Variants in TUSC3 observed in about 807,000 individuals in gnomAD.
TUSC3 encodes tumor suppressor candidate 3, also known as dolichyl-diphosphooligosaccharide--protein glycosyltransferase subunit TUSC3.
TUSC3 carries 45 observed loss-of-function variants against 44.8 expected under a neutral mutation model. That is an observed-to-expected ratio of 1.00 (90% CI 0.79 to 1.29). TUSC3 has a LOEUF of 1.29. Ranked by LOEUF, TUSC3 falls within the 50% of genes most tolerant of loss-of-function variation. The probability of loss-of-function intolerance (pLI) is 0.00; values close to 1 mark genes in which losing one functional copy is unlikely to be tolerated. For synonymous variants in TUSC3, 212 were observed against 152.9 expected, an observed-to-expected ratio of 1.39 and a Z score of -2.85; for missense variants, 519 against 437.9, an observed-to-expected ratio of 1.19 and a Z score of -1.65.
intron 1 of TUSC3, among the ~76,000 whole-genome samples, chr8:15,544,189 A>G (rs1801785054): frequency 6.6e-6 from 1 of 152,050 alleles, no homozygotes; most frequent in Non-Finnish European, 1.5e-5. Context: ...GCTTTTTAGT[A>G]GTGTATCATT....
chr8:15,488,127 T>C (rs80003356), intron 2 of TUSC3, among the ~76,000 whole-genome samples: 2,477 of 152,150 alleles, frequency 0.016, 73 homozygotes, highest in African/African-American at 0.056. Flanking sequence ...TGACTCTAAG[T>C]CCCCTCTTTA....
chr8:15,757,835 T>G lies in TUSC3; in HGVS notation c.*26T>G. The G allele has an allele frequency of 7.2e-7, 1 of 1,388,806 alleles. No individual in the cohort carries two copies. The highest frequency in any genetic ancestry group is 1.0e-6 in the Non-Finnish European group (1 of 974,806). The allele number at this position is 1,388,806 out of a possible 1,614,324, so 86.0% of individuals were successfully genotyped here. A position where few individuals can be genotyped will look rare whatever the true frequency, so the allele number is the denominator to read the frequency against. On this transcript the variant is annotated 3_prime_UTR_variant, in exon 10 of 11. Coordinates refer to ENST00000503731, the MANE Select transcript of TUSC3 (RefSeq NM_006765.4). ...GAAGATGTGATTTGGACCATGGCAC[T>G]TAAAAACTCTATAACCTCAGGCAAG...
chr8:15,508,689 C>T (rs940676001), intron 2 of TUSC3, among the ~76,000 whole-genome samples: 3 of 152,070 alleles, frequency 2.0e-5, no homozygotes, highest in Non-Finnish European at 4.4e-5. Flanking sequence ...TCTCAGTCTC[C>T]TGACCTTGTG....
the TUSC3 span, among the ~76,000 whole-genome samples, chr8:15,830,845 C>A: frequency 6.6e-6 from 1 of 152,106 alleles, no homozygotes; most frequent in Non-Finnish European, 1.5e-5. Context: ...GAAGCTTAAA[C>A]CTCACCATTA....
chr8:15,524,574 G>T (rs1413586143), intron 2 of TUSC3, among the ~76,000 whole-genome samples: 2 of 152,150 alleles, frequency 1.3e-5, no homozygotes, highest in African/African-American at 4.8e-5. Context: ...GTTTATTTGA[G>T]ATTTAAAGTC....
At chr8:15,761,983 C>G (rs1812183923) in intron 10 of TUSC3, among the ~76,000 whole-genome samples, 1 of 151,910 alleles carries the variant, frequency 6.6e-6, no homozygotes, top group Non-Finnish European at 1.5e-5. Flanking sequence ...AAATGAGAGA[C>G]TAATTCCTTG....
At chr8:15,790,179 CTTT>C in the TUSC3 span, among the ~76,000 whole-genome samples, 2 of 72,228 alleles carry the variant, frequency 2.8e-5, no homozygotes, top group East Asian at 9.4e-4. Context: ...TTGTTAAGGC[CTTT>C]TTTTTTTTTT....
chr8:15,698,428 G>C (rs552665229), intron 6 of TUSC3, among the ~76,000 whole-genome samples: 1 of 152,206 alleles, frequency 6.6e-6, no homozygotes, highest in African/African-American at 2.4e-5. Flanking sequence ...TTGATTTTCA[G>C]TTTATATACT....
intron 6 of TUSC3, among the ~76,000 whole-genome samples, chr8:15,692,051 G>A (rs1275132307): frequency 7.9e-5 from 12 of 152,136 alleles, no homozygotes; most frequent in Admixed American, 7.9e-4. Flanking sequence ...AAAGTGCTGG[G>A]ATTTCAATCG....
In TUSC3 at chr8:15,444,795, C is replaced by G. The variant is rs1367052203; in HGVS notation, n.91+27490C>G. On this transcript the variant is annotated intron_variant and non_coding_transcript_variant, in intron 1 of 5. Coordinates refer to the TUSC3 transcript ENST00000503191. ...AAAAAATAAAATGTCTTCTTACCCT[C>G]TTAAAATGGTGACCAGTGAGGCAAG... Among the ~76,000 whole-genome samples the G allele has an allele frequency of 3.3e-5, 5 of 152,150 alleles. No homozygotes were observed. The East Asian group carries it at 9.6e-4, about 29-fold the overall frequency.
At chr8:15,797,141 G>C in the TUSC3 span, among the ~76,000 whole-genome samples, 1 of 152,166 alleles carries the variant, frequency 6.6e-6, no homozygotes, top group East Asian at 1.9e-4. Flanking sequence ...CAAATCACTG[G>C]TCACTCAAGA....
At chr8:15,837,060 C>A in the TUSC3 span, among the ~76,000 whole-genome samples, 3 of 152,020 alleles carry the variant, frequency 2.0e-5, no homozygotes, top group Non-Finnish European at 4.4e-5. Context: ...CTGTAAGATT[C>A]TTAAGTCACT....
chr8:15,605,995 C>T (rs1020410053), intron 1 of TUSC3, among the ~76,000 whole-genome samples: 3 of 151,978 alleles, frequency 2.0e-5, no homozygotes, highest in Non-Finnish European at 2.9e-5. Context: ...TTGCAGTAAA[C>T]AGTGATCACC....
At chr8:15,627,783 C>G (rs1359745948) in intron 2 of TUSC3, among the ~76,000 whole-genome samples, 6 of 152,260 alleles carry the variant, frequency 3.9e-5, no homozygotes, top group Non-Finnish European at 2.9e-5. Flanking sequence ...GCATGCCTGG[C>G]TGTGTGCAGT....
At chr8:15,743,212 C>T (rs893658954) in intron 7 of TUSC3, among the ~76,000 whole-genome samples, 9 of 152,124 alleles carry the variant, frequency 5.9e-5, no homozygotes, top group Non-Finnish European at 1.2e-4. Context: ...ATAAGCAGTG[C>T]ATATCTTTAT....
chr8:15,797,461 A>C, the TUSC3 span, among the ~76,000 whole-genome samples: 2 of 152,150 alleles, frequency 1.3e-5, no homozygotes, highest in African/African-American at 4.8e-5. Context: ...TTTACTTGGC[A>C]AGCAGTTCTT....
intron 2 of TUSC3, among the ~76,000 whole-genome samples, chr8:15,524,690 C>T (rs972828230): frequency 4.6e-5 from 7 of 152,252 alleles, no homozygotes; most frequent in Admixed American, 2.0e-4. Flanking sequence ...AATGGAGAAC[C>T]TATTTTTAGA....
intron 7 of TUSC3, among the ~76,000 whole-genome samples, chr8:15,740,991 C>T (rs1303059440): frequency 1.3e-5 from 2 of 152,086 alleles, no homozygotes; most frequent in East Asian, 1.9e-4. Flanking sequence ...ACATGTTACT[C>T]ATAGTTTTCA....
At chr8:15,802,397 A>G in the TUSC3 span, among the ~76,000 whole-genome samples, 1 of 152,182 alleles carries the variant, frequency 6.6e-6, no homozygotes, top group African/African-American at 2.4e-5. Flanking sequence ...AAAATTGTAT[A>G]TAGGAAGAAA....
Sources: gnomAD v4.1 joint callset for allele counts (sites outside exome capture counted in the v4.1 genomes callset) on GRCh38, gnomAD v4.1.1 for gene constraint, MANE v1.5 for transcripts, NCBI Gene and HGNC (gene_info 2026-07-23, HGNC 2026-07-21) for gene names.